The following PTPN21 variants were observed in gnomAD, a reference collection of about 807,000 sequenced individuals.
PTPN21 encodes tyrosine-protein phosphatase non-receptor type 21.
In PTPN21, 77 loss-of-function variants were observed where a neutral mutation model predicts 131.8. That is an observed-to-expected ratio of 0.58 (90% CI 0.49 to 0.71). The LOEUF (loss-of-function observed/expected upper bound fraction) is 0.71. Ranked by LOEUF, PTPN21 falls within the 30% of genes least tolerant of loss-of-function variation. The pLI is 0.00. For synonymous variants in PTPN21, 715 were observed against 621.3 expected, an observed-to-expected ratio of 1.15 and a Z score of -2.24; for missense variants, 1,552 against 1,527.1, an observed-to-expected ratio of 1.02 and a Z score of -0.27.
intron 2 of PTPN21, among the ~76,000 whole-genome samples, chr14:88,518,276 A>ACACACACACACG (rs2078317113): frequency 9.2e-6 from 1 of 108,752 alleles, no homozygotes; most frequent in Non-Finnish European, 1.9e-5. Flanking sequence ...ATATATATAC[A>ACACACACACACG]CACACACATA....
At chr14:88,471,151 G>A (rs1381038088) in intron 15 of PTPN21, among the ~76,000 whole-genome samples, 1 of 152,084 alleles carries the variant, frequency 6.6e-6, no homozygotes. Flanking sequence ...GCCATCAAGG[G>A]GTACTGGCAT....
chr14:88,470,102 G>C, intron 15 of PTPN21, 52 bp from the exon 16 acceptor site: 1 of 1,557,214 alleles, frequency 6.4e-7, no homozygotes, highest in Non-Finnish European at 8.8e-7. Flanking sequence ...ATATACATAG[G>C]TATGTATGCA....
Position 88,500,821 on chromosome 14 carries a change from A to G in PTPN21, c.726T>C (p.Phe242=), listed in dbSNP as rs1192426294. ...GATGCCTTCCATTCTTGTGTTTCACAAAGATACCTTCAAGACACGCTCCAA... is the reference window on the plus strand; with the variant it reads ...GATGCCTTCCATTCTTGTGTTTCACGAAGATACCTTCAAGACACGCTCCAA... ...ISIGACLEGI[F]VKHKNGRHPV... The change falls in exon 8 of 19, where the codon TTT becomes TTC. Residue 242 remains phenylalanine, a synonymous_variant. Coordinates refer to ENST00000556564, the MANE Select transcript of PTPN21 (RefSeq NM_007039.4). 1 of 1,614,010 alleles carries G rather than the reference A, an allele frequency of 6.2e-7. No individual in the cohort carries two copies. The highest frequency in any genetic ancestry group is 1.7e-5 in the Admixed American group (1 of 60,028).
intron 3 of PTPN21, chr14:88,512,511 T>C (rs1270918740): frequency 6.6e-6 from 1 of 152,244 alleles, no homozygotes; most frequent in Non-Finnish European, 1.5e-5. Context: ...TAGAATTTCC[T>C]GCCTTCTGGA....
chr14:88,543,484 G>A (rs1400734285), intron 2 of PTPN21, among the ~76,000 whole-genome samples: 3 of 152,174 alleles, frequency 2.0e-5, no homozygotes, highest in Admixed American at 6.5e-5. Flanking sequence ...AGCAAACAAA[G>A]GCTGACTTAA....
chr14:88,554,259 C>T (rs1450669590), intron 1 of PTPN21, among the ~76,000 whole-genome samples: 2 of 152,204 alleles, frequency 1.3e-5, no homozygotes, highest in Non-Finnish European at 2.9e-5. Context: ...AAATACTCTA[C>T]TCCAAAAACA....
intron 2 of PTPN21, among the ~76,000 whole-genome samples, chr14:88,543,922 C>A (rs1336543488): frequency 6.6e-6 from 1 of 152,132 alleles, no homozygotes; most frequent in African/African-American, 2.4e-5. Context: ...ACACACCCCC[C>A]TCAGAAACAG....
intron 8 of PTPN21, 132 bp from the exon 9 acceptor site, chr14:88,497,422 C>CA (rs538577925): frequency 2.3e-5 from 16 of 709,614 alleles, no homozygotes; most frequent in Non-Finnish European, 3.8e-5. Flanking sequence ...AAACAAAAAA[C>CA]AAAAAACACG....
chr14:88,505,857 A>G (rs1027221167), intron 4 of PTPN21, among the ~76,000 whole-genome samples: 3 of 152,234 alleles, frequency 2.0e-5, no homozygotes, highest in Admixed American at 2.0e-4. Context: ...CTTAAAGCCA[A>G]AAGTGATACT....
intron 2 of PTPN21, among the ~76,000 whole-genome samples, chr14:88,526,547 CAAAAAAAAAAAAAA>C (rs10587204): frequency 7.0e-5 from 4 of 56,912 alleles, no homozygotes; most frequent in South Asian, 1.2e-3. Context: ...GAGATGATCT[CAAAAAAAAAAAAAA>C]AAAAAAAAAA....
intron 10 of PTPN21, among the ~76,000 whole-genome samples, chr14:88,495,080 G>A (rs1286705445): frequency 7.6e-6 from 1 of 131,060 alleles, no homozygotes; most frequent in African/African-American, 2.8e-5. Flanking sequence ...GTTAAACTAA[G>A]ATCATTCTGG....
At chr14:88,494,565 G>C (rs1181269018) in intron 10 of PTPN21, among the ~76,000 whole-genome samples, 1 of 152,146 alleles carries the variant, frequency 6.6e-6, no homozygotes, top group Non-Finnish European at 1.5e-5. Flanking sequence ...AGGAGGCTGA[G>C]GTGGGAGGAT....
chr14:88,524,301 G>C (rs1169624495), intron 2 of PTPN21, among the ~76,000 whole-genome samples: 1 of 152,142 alleles, frequency 6.6e-6, no homozygotes, highest in Admixed American at 6.5e-5. Context: ...AGAATAGAGA[G>C]TCTAGAAATG....
At chr14:88,470,794 A>G (rs1013795488) in intron 15 of PTPN21, among the ~76,000 whole-genome samples, 3 of 152,208 alleles carry the variant, frequency 2.0e-5, no homozygotes, top group Non-Finnish European at 4.4e-5. Flanking sequence ...AACAGTGAAT[A>G]AACACTAGGG....
intron 3 of PTPN21, among the ~76,000 whole-genome samples, chr14:88,508,890 A>G (rs2078138048): frequency 6.6e-6 from 1 of 152,172 alleles, no homozygotes; most frequent in South Asian, 2.1e-4. Context: ...TGTACTTTCA[A>G]TATATAGGGC....
intron 2 of PTPN21, among the ~76,000 whole-genome samples, chr14:88,541,476 T>C (rs919596538): frequency 1.3e-5 from 2 of 152,204 alleles, no homozygotes; most frequent in Non-Finnish European, 1.5e-5. Flanking sequence ...GGCTCAACAA[T>C]TGGCCTGGGA....
chr14:88,524,294 AT>A (rs2078443701), intron 2 of PTPN21, among the ~76,000 whole-genome samples: 1 of 152,198 alleles, frequency 6.6e-6, no homozygotes, highest in Non-Finnish European at 1.5e-5. Context: ...GACAAATAGA[AT>A]AGAGAGTCTA....
chr14:88,487,965 CA>C (rs535857551), intron 10 of PTPN21, among the ~76,000 whole-genome samples: 4,241 of 92,460 alleles, frequency 0.046, 180 homozygotes, highest in African/African-American at 0.14. Flanking sequence ...GACTCCATCT[CA>C]AAAAAAAAAA....
chr14:88,529,809 C>T (rs987005995), intron 2 of PTPN21, among the ~76,000 whole-genome samples: 1 of 151,886 alleles, frequency 6.6e-6, no homozygotes, highest in African/African-American at 2.4e-5. Flanking sequence ...TGGTGAAGCC[C>T]CATCTCTACC....
Sources: gnomAD v4.1 joint callset for allele counts (sites outside exome capture counted in the v4.1 genomes callset) on GRCh38, gnomAD v4.1.1 for gene constraint, MANE v1.5 for transcripts, NCBI Gene and HGNC (gene_info 2026-07-23, HGNC 2026-07-21) for gene names.